The following ZNF444 variants were observed in gnomAD, a reference collection of about 807,000 sequenced individuals.
ZNF444 encodes zinc finger protein 444, also known as endothelial zinc finger protein 2.
ZNF444 carries 8 observed loss-of-function variants against 14.4 expected under a neutral mutation model. The ratio of observed to expected loss-of-function variants is 0.56; its 90% confidence interval spans 0.33 to 1.00. The LOEUF (loss-of-function observed/expected upper bound fraction) is 1.00, where lower values mean the gene tolerates loss of function less well. ZNF444 is among the 50% of genes least tolerant of loss of function. The pLI, the probability that ZNF444 is intolerant of heterozygous loss-of-function variation, is 0.03. For synonymous variants in ZNF444, 258 were observed against 235.9 expected (o/e 1.09, Z -0.86); for missense variants, 510 against 504.8 (o/e 1.01, Z -0.10).
In ZNF444 at chr19:56,147,288, C is replaced by A; in HGVS notation, c.297+80C>A. 7.4e-7 allele frequency: 1 copy of A among 1,358,802 alleles called. No homozygotes were observed. Among genetic ancestry groups the A allele is most frequent in the Non-Finnish European group, 9.5e-7 (1 of 1,054,578 alleles). The allele number at this position is 1,358,802 out of a possible 1,614,324, so 84.2% of individuals were successfully genotyped here. ...CCACCAGGAAGCCCAGGGAGGAGCACCACTGAACCCCTGAAAACCAGTGTG... is the reference window on the plus strand; with the variant it reads ...CCACCAGGAAGCCCAGGGAGGAGCAACACTGAACCCCTGAAAACCAGTGTG... On this transcript the variant is annotated intron_variant, in intron 3 of 4. Transcript: ENST00000337080. This position sits in a 1 kb window ranked among gnomAD's most constrained non-coding sequence, Gnocchi z 5.9.
intron 2 of ZNF444, 86 bp from the exon 3 acceptor site, chr19:56,146,804 A>T (rs925266062): frequency 9.4e-7 from 1 of 1,062,056 alleles, no homozygotes; most frequent in Non-Finnish European, 1.2e-6. Flanking sequence ...AAAAAGTAAA[A>T]AAAAAGAGCG....
At chr19:56,137,524 T>C (rs2030639435), upstream of ZNF444, among the ~76,000 whole-genome samples, 1 of 151,878 alleles carries the variant, frequency 6.6e-6, no homozygotes, top group South Asian at 2.1e-4. Context: ...AACATAGTGA[T>C]GAAGAAGGAA....
Position 56,147,697 on chromosome 19 carries a change from C to T in ZNF444, c.297+489C>T, listed in dbSNP as rs1260982919. Among the ~76,000 whole-genome samples the T allele has an allele frequency of 6.6e-6, 1 of 152,146 alleles. No individual in the cohort carries two copies. The highest frequency in any genetic ancestry group is 2.4e-5 in the African/African-American group (1 of 41,432). On this transcript the variant is annotated intron_variant, in intron 3 of 4. Transcript: ENST00000337080. The surrounding 1 kb of genome is among the most constrained non-coding windows in gnomAD (Gnocchi z 5.9). The stretch of plus-strand genomic sequence containing the variant: ...CCGCCCCCTGAAAGTCAAGGATACC[C>T]CCTGGTCCAAACTCTACCCCAAATT...
chr19:56,159,907 C>G lies in ZNF444; in HGVS notation c.690C>G (p.Pro230=). The G allele has an allele frequency of 7.3e-7, 1 of 1,375,756 alleles. No individual in the cohort carries two copies. The highest frequency in any genetic ancestry group is 9.8e-7 in the Non-Finnish European group (1 of 1,025,494). The allele number at this position is 1,375,756 out of a possible 1,614,324, so 85.2% of individuals were successfully genotyped here. Residue 230 remains proline (P), a synonymous_variant, in exon 5 of 5, where the codon CCC becomes CCG. Coordinates refer to ENST00000337080, the MANE Select transcript of ZNF444 (RefSeq NM_018337.4). The part of the protein sequence containing the change: ...EHLRRHRDTH[P]GSPGSPGPAL... ...TGCGGCGCCACCGCGACACGCACCCCGGCAGCCCCGGCAGCCCCGGGCCCG... is the reference window on the plus strand; with the variant it reads ...TGCGGCGCCACCGCGACACGCACCCGGGCAGCCCCGGCAGCCCCGGGCCCG...
Position 56,160,111 on chromosome 19 carries a change from C to A in ZNF444, c.894C>A (p.Arg298=), listed in dbSNP as rs1333963636. 1 of 1,491,576 alleles carries A rather than the reference C, an allele frequency of 6.7e-7. No individual in the cohort carries two copies. The highest frequency in any genetic ancestry group is 2.7e-5 in the East Asian group (1 of 36,748). 92.4% of individuals were successfully genotyped at this position (1,491,576 alleles called of 1,614,324 possible). A position where few individuals can be genotyped will look rare whatever the true frequency, so the allele number is the denominator to read the frequency against. ...GRREHVLRHQ[R]IHGRAAASAQ... is the part of the protein sequence containing the mutation. ...GCGAGCACGTGCTGCGCCACCAGCG[C>A]ATCCACGGCCGGGCAGCGGCCAGCG... The change falls in exon 5 of 5, where the codon CGC becomes CGA. Residue 298 remains arginine (R), a synonymous_variant. Transcript: ENST00000337080.
chr19:56,153,674 G>A (rs927561917), intron 3 of ZNF444, among the ~76,000 whole-genome samples: 3 of 152,220 alleles, frequency 2.0e-5, no homozygotes, highest in African/African-American at 7.2e-5. Flanking sequence ...TAAGACGGAT[G>A]GGGGCAGGGC....
At chr19:56,137,314 T>C (rs1243624741), upstream of ZNF444, among the ~76,000 whole-genome samples, 2 of 151,434 alleles carry the variant, frequency 1.3e-5, no homozygotes, top group African/African-American at 4.8e-5. Flanking sequence ...CTATTAAAAA[T>C]ACAAAAATTA....
chr19:56,138,791 A>AGTT (rs2030668753), upstream of ZNF444, among the ~76,000 whole-genome samples: 1 of 35,432 alleles, frequency 2.8e-5, no homozygotes, highest in Non-Finnish European at 8.1e-5. Context: ...GCTTGAATGT[A>AGTT]CTTTTTTTTT....
At chr19:56,150,554 G>A (rs1216051727) in intron 3 of ZNF444, 8 of 414,314 alleles carry the variant, frequency 1.9e-5, no homozygotes, top group East Asian at 7.0e-5. Context: ...TAACACTGCC[G>A]TGAGTGATGG....
chr19:56,158,506 T>TC lies in ZNF444; in HGVS notation c.315dup (p.Asp106ArgfsTer38), dbSNP rs775285349. On this transcript the variant is annotated frameshift_variant, in exon 4 of 5. Transcript: ENST00000337080. LOFTEE classifies it high-confidence loss of function. Reference sequence around the variant, plus strand: ...GCTCTCATTTCAGGGGCCAGCAGCCTCCCCCGATGGGTCGTCAGCAACGAG... The same window carrying TC: ...GCTCTCATTTCAGGGGCCAGCAGCCTCCCCCCGATGGGTCGTCAGCAACGAG... 1 of 1,608,042 alleles carries TC rather than the reference T, an allele frequency of 6.2e-7. No individual in the cohort carries two copies. Among genetic ancestry groups the TC allele is most frequent in the East Asian group, 2.3e-5 (1 of 44,370 alleles).
At chr19:56,139,480 A>T (rs2030691624), upstream of ZNF444, among the ~76,000 whole-genome samples, 1 of 152,122 alleles carries the variant, frequency 6.6e-6, no homozygotes, top group African/African-American at 2.4e-5. Flanking sequence ...TGAGGCCAGG[A>T]GTTCGAGACC....
At position 56,160,379 on chromosome 19, in the gene ZNF444, C is replaced by T; in HGVS notation, c.*178C>T. 3.8e-6 allele frequency: 2 copies of T among 528,024 alleles called. No homozygotes were observed. The highest frequency in any genetic ancestry group is 7.2e-5 in the East Asian group (2 of 27,800). 32.7% of individuals were successfully genotyped at this position (528,024 alleles called of 1,614,324 possible). A position where few individuals can be genotyped will look rare whatever the true frequency, so the allele number is the denominator to read the frequency against. On this transcript the variant is annotated 3_prime_UTR_variant, in exon 5 of 5. Coordinates refer to ENST00000337080, the MANE Select transcript of ZNF444 (RefSeq NM_018337.4). ...CTATTCCTTTCCAACTCCTTTTCCC[C>T]CAAATTTCACTTTCCTTCTCAGGTC...
intron 3 of ZNF444, among the ~76,000 whole-genome samples, chr19:56,149,647 C>A (rs566754771): frequency 2.0e-5 from 3 of 152,124 alleles, no homozygotes; most frequent in Non-Finnish European, 2.9e-5. Flanking sequence ...TCCCCCACCC[C>A]CCGACAGGCC....
chr19:56,145,747 A>C lies in ZNF444; in HGVS notation c.-196-500A>C, dbSNP rs1432516084. ...AGATCGCAAATTCCCAGCGGAAGGG[A>C]CTGGGACAGGCCGTCATAGCTGTCA... On this transcript the variant is annotated intron_variant, in intron 1 of 4. Transcript: ENST00000337080. This position sits in a 1 kb window ranked among gnomAD's most constrained non-coding sequence, Gnocchi z 4.3. Among the ~76,000 whole-genome samples, 2 of 152,186 alleles carry C rather than the reference A, an allele frequency of 1.3e-5. No homozygotes were observed. The highest frequency in any genetic ancestry group is 2.9e-5 in the Non-Finnish European group (2 of 68,034).
At chr19:56,150,455 A>G (rs2031507384) in intron 3 of ZNF444, 1 of 358,790 alleles carries the variant, frequency 2.8e-6, no homozygotes, top group Admixed American at 3.8e-5. Context: ...TGTCTTTAGC[A>G]TCTCTCTTGT....
At chr19:56,149,411 C>T (rs951189859) in intron 3 of ZNF444, among the ~76,000 whole-genome samples, 1 of 150,234 alleles carries the variant, frequency 6.7e-6, no homozygotes, top group African/African-American at 2.5e-5. Context: ...CTCCTCTGAC[C>T]TTGACCTCTG....
chr19:56,140,336 T>G (rs957322047), upstream of ZNF444, among the ~76,000 whole-genome samples: 1 of 152,222 alleles, frequency 6.6e-6, no homozygotes, highest in East Asian at 1.9e-4. Flanking sequence ...GATAAAAACT[T>G]CAGCTGATCT....
At chr19:56,159,261 TTCATCCACCCC>T (rs897998018) in intron 4 of ZNF444, among the ~76,000 whole-genome samples, 49 of 151,240 alleles carry the variant, frequency 3.2e-4, no homozygotes, top group Admixed American at 1.5e-3. Context: ...CATCTAGACA[TTCATCCACCCC>T]TCATCCACCC....
rs201207269 is a variant in ZNF444 at position 56,135,903 on chromosome 19, A to AC, written c.-197+3129dup. Among the ~76,000 whole-genome samples, 320 of 151,056 alleles carry AC rather than the reference A, an allele frequency of 2.1e-3. 1 individual carries two copies. The highest frequency in any genetic ancestry group is 7.4e-3 in the African/African-American group (303 of 41,086). On this transcript the variant is annotated intron_variant, in intron 1 of 2. Transcript: ENST00000587467. ...CGACCAGCCTGGCCAACATGGTGAA[A>AC]CCCCGTCTCTACTAAAAATACAAAA...
Sources: gnomAD v4.1 joint callset for allele counts (sites outside exome capture counted in the v4.1 genomes callset) on GRCh38, gnomAD v4.1.1 for gene constraint, Gnocchi (gnomAD v3.1) non-coding constraint, MANE v1.5 for transcripts, NCBI Gene and HGNC (gene_info 2026-07-23, HGNC 2026-07-21) for gene names.